The following ATG4C variants were observed in gnomAD, a reference collection of about 807,000 sequenced individuals.
ATG4C encodes cysteine protease ATG4C.
Under a neutral mutation model 57.6 loss-of-function variants are expected in ATG4C, and 56 were observed. The ratio of observed to expected loss-of-function variants is 0.97; its 90% CI spans 0.78 to 1.21. ATG4C has a LOEUF of 1.21. ATG4C is among the 50% of genes most tolerant of loss of function. The pLI, the probability that ATG4C is intolerant of heterozygous loss-of-function variation, is 0.00. For synonymous variants in ATG4C, 157 were observed against 174.1 expected, an observed-to-expected ratio of 0.90 and a Z score of 0.78; for missense variants, 595 against 529.8, an observed-to-expected ratio of 1.12 and a Z score of -1.21.
At chr1:62,847,317 ATGTC>A (rs1459664347) in intron 10 of ATG4C, among the ~76,000 whole-genome samples, 4 of 152,206 alleles carry the variant, frequency 2.6e-5, no homozygotes, top group African/African-American at 9.7e-5. Flanking sequence ...ATTTTGTTGA[ATGTC>A]TGTCTGGAGC....
intron 1 of ATG4C, among the ~76,000 whole-genome samples, chr1:62,789,103 C>T (rs746411915): frequency 2.6e-5 from 4 of 152,140 alleles, no homozygotes; most frequent in Admixed American, 6.5e-5. Flanking sequence ...TTTTCCTATC[C>T]AGTGATTTTA....
chr1:62,849,444 A>G (rs1346344144), intron 10 of ATG4C, among the ~76,000 whole-genome samples: 1 of 151,738 alleles, frequency 6.6e-6, no homozygotes, highest in Non-Finnish European at 1.5e-5. Flanking sequence ...TAAGATTTTT[A>G]TTTCTCAAGA....
At chr1:62,828,931 A>G (rs556852083) in intron 6 of ATG4C, 109 bp from the exon 7 acceptor site, 2 of 937,392 alleles carry the variant, frequency 2.1e-6, no homozygotes, top group Admixed American at 2.8e-5. Flanking sequence ...GATGCCAGAG[A>G]TGAGATAGCT....
At chr1:62,812,586 C>T (rs1274804983) in intron 3 of ATG4C, among the ~76,000 whole-genome samples, 2 of 152,184 alleles carry the variant, frequency 1.3e-5, no homozygotes, top group African/African-American at 2.4e-5. Flanking sequence ...TATCTCACCA[C>T]TCCTCTTCAA....
rs192411775 is a variant in ATG4C at position 62,786,224 on chromosome 1, G to A, written c.-69+1951G>A. Among the ~76,000 whole-genome samples the A allele has an allele frequency of 9.9e-5, 15 of 152,254 alleles. No homozygotes were observed. In the East Asian group the frequency reaches 2.5e-3, roughly 25 times the overall value. The stretch of plus-strand genomic sequence containing the variant: ...CTCTATCCTGAAATATATAAAGAGC[G>A]TTAAATCAACATATGCTTACTGAGC... On this transcript the variant is annotated intron_variant, in intron 1 of 10. Coordinates refer to ENST00000317868, the MANE Select transcript of ATG4C (RefSeq NM_032852.4).
intron 5 of ATG4C, among the ~76,000 whole-genome samples, chr1:62,819,938 CTTAT>C (rs1665428939): frequency 6.6e-6 from 1 of 151,844 alleles, no homozygotes; most frequent in African/African-American, 2.4e-5. Flanking sequence ...AAAAAATTAT[CTTAT>C]TTGTGTGTGT....
chr1:62,840,617 A>G (rs1277624119), intron 9 of ATG4C, among the ~76,000 whole-genome samples: 1 of 152,216 alleles, frequency 6.6e-6, no homozygotes, highest in Non-Finnish European at 1.5e-5. Flanking sequence ...AAAAGATTGC[A>G]GTGATTACTT....
At chr1:62,801,608 A>G (rs1259372387) in intron 1 of ATG4C, among the ~76,000 whole-genome samples, 7 of 151,314 alleles carry the variant, frequency 4.6e-5, no homozygotes, top group Non-Finnish European at 7.4e-5. Flanking sequence ...CAGTGAGCCG[A>G]GATGTTGCCA....
At position 62,803,718 on chromosome 1, in the gene ATG4C, G is replaced by C; in HGVS notation, c.-68-1G>C. 9.4e-7 allele frequency: 1 copy of C among 1,067,398 alleles called. No individual in the cohort carries two copies. Among genetic ancestry groups the C allele is most frequent in the African/African-American group, 1.6e-5 (1 of 61,508 alleles). 66.1% of individuals were successfully genotyped at this position (1,067,398 alleles called of 1,614,324 possible). A position where few individuals can be genotyped will look rare whatever the true frequency, so the allele number is the denominator to read the frequency against. On this transcript the variant is annotated splice_acceptor_variant, in intron 1 of 10. Coordinates refer to ENST00000317868, the MANE Select transcript of ATG4C (RefSeq NM_032852.4). LOFTEE classifies it low-confidence loss of function (5UTR_SPLICE). ...CTGATTTTTTTCCTTAATTTTTAAA[G>C]TCAGTATAAAAGATTAAACTCTACA...
chr1:62,827,816 C>A (rs1665714443), intron 6 of ATG4C, among the ~76,000 whole-genome samples: 1 of 152,152 alleles, frequency 6.6e-6, no homozygotes, highest in African/African-American at 2.4e-5. Flanking sequence ...CTCCACCCTC[C>A]ATCCTCAAGT....
intron 7 of ATG4C, among the ~76,000 whole-genome samples, chr1:62,831,463 G>T (rs1274328650): frequency 1.3e-5 from 2 of 152,014 alleles, no homozygotes; most frequent in Non-Finnish European, 2.9e-5. Context: ...CAGAGATAGT[G>T]CCAACATAGC....
chr1:62,858,108 A>G (rs879656601), intron 10 of ATG4C, among the ~76,000 whole-genome samples: 14 of 152,236 alleles, frequency 9.2e-5, no homozygotes, highest in Admixed American at 2.6e-4. Context: ...ACATCAATTA[A>G]TCAAAGTAGC....
At chr1:62,813,706 A>G (rs1157385700) in intron 3 of ATG4C, among the ~76,000 whole-genome samples, 1 of 152,234 alleles carries the variant, frequency 6.6e-6, no homozygotes, top group Non-Finnish European at 1.5e-5. Flanking sequence ...TCCATCTGAC[A>G]AAGGACTAAT....
In ATG4C at chr1:62,834,796, G is replaced by A. The variant is rs1298805983; in HGVS notation, c.1033G>A (p.Asp345Asn). 5 of 1,611,994 alleles carry A rather than the reference G, an allele frequency of 3.1e-6. No individual in the cohort carries two copies. The highest frequency in any genetic ancestry group is 4.2e-6 in the Non-Finnish European group (5 of 1,178,616). ...TGTAGATGACAGTTTGATTTACATG[G>A]ATCCTCATTACTGCCAATCTTTTGT... is the stretch of plus-strand genomic sequence containing the variant. ...GFQDDSLIYM[D>N]PHYCQSFVDV... Residue 345 changes from aspartate (D) to asparagine (N), a missense_variant, in exon 9 of 11, where the codon GAT becomes AAT. Transcript: ENST00000317868.
At chr1:62,797,291 T>C (rs955984452) in intron 1 of ATG4C, among the ~76,000 whole-genome samples, 38 of 152,152 alleles carry the variant, frequency 2.5e-4, no homozygotes, top group African/African-American at 8.7e-4. Flanking sequence ...TATAGTGATA[T>C]AGATCTATAT....
intron 1 of ATG4C, among the ~76,000 whole-genome samples, chr1:62,786,044 T>C (rs1664068928): frequency 6.6e-6 from 1 of 152,214 alleles, no homozygotes; most frequent in Non-Finnish European, 1.5e-5. Flanking sequence ...CAGCTCTGCA[T>C]AGATACTTTT....
At chr1:62,830,558 T>C (rs1320902030) in intron 7 of ATG4C, among the ~76,000 whole-genome samples, 1 of 152,140 alleles carries the variant, frequency 6.6e-6, no homozygotes, top group East Asian at 1.9e-4. Flanking sequence ...CATTAGATGG[T>C]CTCACTGCCT....
chr1:62,784,788 AACGTTCATTC>A (rs1204056455), intron 1 of ATG4C, among the ~76,000 whole-genome samples: 1 of 152,194 alleles, frequency 6.6e-6, no homozygotes, highest in Non-Finnish European at 1.5e-5. Context: ...TCTAAATATT[AACGTTCATTC>A]ACTTCATTTG....
At chr1:62,806,510 A>G (rs1035335284) in intron 3 of ATG4C, among the ~76,000 whole-genome samples, 4 of 152,092 alleles carry the variant, frequency 2.6e-5, no homozygotes, top group African/African-American at 9.6e-5. Context: ...TTCTTAGGAT[A>G]GAATTATATA....
Sources: gnomAD v4.1 joint callset for allele counts (sites outside exome capture counted in the v4.1 genomes callset) on GRCh38, gnomAD v4.1.1 for gene constraint, MANE v1.5 for transcripts, NCBI Gene and HGNC (gene_info 2026-07-23, HGNC 2026-07-21) for gene names.